IL17D: variants seen among roughly 807,000 people sequenced by gnomAD.
The protein encoded by IL17D is interleukin 17D, also known as interleukin-17D.
IL17D carries 10 observed loss-of-function variants against 5.7 expected under a neutral mutation model. The observed-to-expected ratio is 1.75, with a 90% CI of 1.08 to 2.97. The LOEUF (loss-of-function observed/expected upper bound fraction) is 2.97, where lower values mean the gene tolerates loss of function less well. IL17D is among the 30% of genes most tolerant of loss of function. The pLI is 0.00. For missense variants in IL17D, 354 were observed against 292.7 expected, an observed-to-expected ratio of 1.21 and a Z score of -1.53; for synonymous variants, 172 against 141.7, an observed-to-expected ratio of 1.21 and a Z score of -1.52.
At chr13:20,702,277 A>G (rs900884381), upstream of IL17D, 7 of 152,224 alleles carry the variant, frequency 4.6e-5, no homozygotes, top group Non-Finnish European at 8.8e-5. Context: ...TTTCAGTGAG[A>G]TTTTTAGCAG....
At chr13:20,718,640 TCA>T (rs201110937) in intron 1 of IL17D, among the ~76,000 whole-genome samples, 1 of 60,732 alleles carries the variant, frequency 1.6e-5, no homozygotes, top group African/African-American at 7.1e-5. Context: ...AGGCCCACGC[TCA>T]CACACCTGCC....
At chr13:20,702,257 A>T (rs540533516), upstream of IL17D, 4 of 152,362 alleles carry the variant, frequency 2.6e-5, no homozygotes, top group Admixed American at 2.0e-4. Context: ...TAAATCGCTT[A>T]AACTGGAGAT....
At chr13:20,717,369 G>A (rs1409644663) in intron 1 of IL17D, 3 of 152,258 alleles carry the variant, frequency 2.0e-5, no homozygotes, top group Non-Finnish European at 4.4e-5. Context: ...GTCCGTGTTT[G>A]GTAAGAGAAA....
At chr13:20,708,561 T>C (rs1031824079) in intron 1 of IL17D, among the ~76,000 whole-genome samples, 5 of 152,270 alleles carry the variant, frequency 3.3e-5, no homozygotes, top group African/African-American at 1.2e-4. Flanking sequence ...GAAGACAAGA[T>C]TGAGAAATGA....
chr13:20,708,918 A>T (rs1312448543), intron 1 of IL17D, among the ~76,000 whole-genome samples: 3 of 142,716 alleles, frequency 2.1e-5, no homozygotes, highest in African/African-American at 7.7e-5. Flanking sequence ...CTGAGATTGT[A>T]CCACTGCACT....
Position 20,722,104 on chromosome 13 carries a change from G to T in IL17D, c.*150G>T. ...CAGCGCCGCCTTTCCATGGAGACTCGTAAGCAGCTTCATCTGACACGGGCA... is the reference window on the plus strand; with the variant it reads ...CAGCGCCGCCTTTCCATGGAGACTCTTAAGCAGCTTCATCTGACACGGGCA... On this transcript the variant is annotated 3_prime_UTR_variant, in exon 2 of 2. Transcript: ENST00000682841. 1 of 621,496 alleles carries T rather than the reference G, an allele frequency of 1.6e-6. No individual in the cohort carries two copies. Among genetic ancestry groups the T allele is most frequent in the Admixed American group, 3.3e-5 (1 of 30,732 alleles). The allele number at this position is 621,496 out of a possible 1,614,324, so 38.5% of individuals were successfully genotyped here. A position where few individuals can be genotyped will look rare whatever the true frequency, so the allele number is the denominator to read the frequency against.
At position 20,704,084 on chromosome 13, in the gene IL17D, C is replaced by T. The variant is rs2058567185; in HGVS notation, c.83C>T (p.Pro28Leu). The T allele has an allele frequency of 1.7e-6, 2 of 1,150,210 alleles. No homozygotes were observed. The highest frequency in any genetic ancestry group is 1.1e-6 in the Non-Finnish European group (1 of 937,912). 71.3% of individuals were successfully genotyped at this position (1,150,210 alleles called of 1,614,324 possible). A position where few individuals can be genotyped will look rare whatever the true frequency, so the allele number is the denominator to read the frequency against. The change falls in exon 1 of 2, where the codon CCG becomes CTG. Residue 28 changes from proline to leucine, a missense_variant. By Grantham distance (98) the Pro-to-Leu change is moderately conservative. Transcript: ENST00000682841. The part of the protein sequence containing the change: ...APRAGRRPAR[P>L]RGCADRPEEL... ...AGGGCGGGCAGGCGCCCCGCGCGGC[C>T]GCGGGGCTGCGCGGACCGGCCGGAG... is the stretch of plus-strand genomic sequence containing the variant.
upstream of IL17D, chr13:20,703,444 G>C: frequency 1.0e-6 from 1 of 985,166 alleles, no homozygotes; most frequent in South Asian, 4.7e-5. Context: ...CGAGTCCCCG[G>C]GTACGAGGAA....
chr13:20,702,019 G>C (rs868413531), upstream of IL17D: 1 of 152,136 alleles, frequency 6.6e-6, no homozygotes, highest in South Asian at 2.1e-4. Context: ...CCTCATATAG[G>C]AATGGATGCT....
chr13:20,722,524 G>C lies in IL17D; in HGVS notation c.*570G>C, dbSNP rs962340731. On this transcript the variant is annotated 3_prime_UTR_variant, in exon 2 of 2. Transcript: ENST00000682841. ...TTTTTAAAGCATAATTGGAATCCTT[G>C]GATAAATTTTGTAGCTGGTACACTC... 2 of 152,064 alleles carry C rather than the reference G, an allele frequency of 1.3e-5. No individual in the cohort carries two copies. Among genetic ancestry groups the C allele is most frequent in the Non-Finnish European group, 2.9e-5 (2 of 68,038 alleles). The allele number at this position is 152,064 out of a possible 1,614,324, so 9.4% of individuals were successfully genotyped here.
intron 1 of IL17D, among the ~76,000 whole-genome samples, chr13:20,714,317 C>T (rs1373028595): frequency 6.6e-6 from 1 of 152,222 alleles, no homozygotes; most frequent in African/African-American, 2.4e-5. Context: ...TTGTTGTAGC[C>T]TCACTGTTTA....
intron 1 of IL17D, among the ~76,000 whole-genome samples, chr13:20,711,830 G>A (rs56203944): frequency 0.36 from 54,173 of 151,884 alleles, 11,026 homozygotes; most frequent in East Asian, 0.78. Flanking sequence ...ACAGATGTGG[G>A]ATACAGACTG....
intron 1 of IL17D, among the ~76,000 whole-genome samples, chr13:20,706,560 T>G (rs2058593583): frequency 6.6e-6 from 1 of 152,240 alleles, no homozygotes. Flanking sequence ...AAAATACACT[T>G]AGGAACAAGT....
At position 20,721,810 on chromosome 13, in the gene IL17D, C is replaced by G; in HGVS notation, c.465C>G (p.Val155=). The part of the protein sequence containing the change: ...RTPACAGGRS[V]YTEAYVTIPV... ...CCGCCTGCGCCGGCGGCCGTTCCGT[C>G]TACACCGAGGCCTACGTCACCATCC... The change falls in exon 2 of 2, where the codon GTC becomes GTG. Residue 155 remains valine, a synonymous_variant. Coordinates refer to ENST00000682841, the MANE Select transcript of IL17D (RefSeq NM_001385224.1). The G allele has an allele frequency of 6.2e-7, 1 of 1,610,284 alleles. No homozygotes were observed. Among genetic ancestry groups the G allele is most frequent in the Non-Finnish European group, 8.5e-7 (1 of 1,179,800 alleles).
chr13:20,713,140 T>C (rs1474775095), intron 1 of IL17D: 4 of 152,152 alleles, frequency 2.6e-5, no homozygotes, highest in African/African-American at 9.7e-5. Flanking sequence ...TGCAGTGTCC[T>C]TTCGCCGCCA....
At chr13:20,721,368 G>A (rs1017516347) in intron 1 of IL17D, among the ~76,000 whole-genome samples, 2 of 152,238 alleles carry the variant, frequency 1.3e-5, no homozygotes, top group South Asian at 2.1e-4. Flanking sequence ...CCGTGCAGGC[G>A]GCATAGATTT....
At chr13:20,719,110 C>T (rs796893319) in intron 1 of IL17D, among the ~76,000 whole-genome samples, 25 of 149,860 alleles carry the variant, frequency 1.7e-4, no homozygotes, top group African/African-American at 4.9e-4. Flanking sequence ...TGCCCATGCT[C>T]GCACACCTGC....
intron 1 of IL17D, among the ~76,000 whole-genome samples, chr13:20,714,575 C>T (rs190668489): frequency 6.6e-5 from 10 of 152,318 alleles, no homozygotes; most frequent in Admixed American, 4.6e-4. Context: ...GCAGAGGAGC[C>T]GGGTTCATTC....
At position 20,704,149 on chromosome 13, in the gene IL17D, G is replaced by A. The variant is rs1214060271; in HGVS notation, c.148G>A (p.Val50Met). 8 of 1,354,896 alleles carry A rather than the reference G, an allele frequency of 5.9e-6. No homozygotes were observed. The highest frequency in any genetic ancestry group is 4.6e-5 in the African/African-American group (3 of 64,900). The allele number at this position is 1,354,896 out of a possible 1,614,324, so 83.9% of individuals were successfully genotyped here. ...EQLYGRLAAG[V>M]LSAFHHTLQL... ...GCTGTACGGGCGCCTGGCGGCCGGC[G>A]TGCTCAGTGCCTTCCACCACACGCT... The change falls in exon 1 of 2, where the codon GTG becomes ATG. Residue 50 changes from valine to methionine, a missense_variant. Val to Met is a conservative substitution (Grantham distance 21). Transcript: ENST00000682841.
Sources: allele counts gnomAD v4.1 joint callset (sites outside exome capture counted in the v4.1 genomes callset), GRCh38; gene constraint gnomAD v4.1.1; transcripts MANE v1.5; gene names NCBI Gene and HGNC (gene_info 2026-07-23, HGNC 2026-07-21).